The following L3MBTL4 variants were observed in gnomAD, a reference collection of about 807,000 sequenced individuals.
L3MBTL4 encodes L3MBTL histone methyl-lysine binding protein 4, also known as lethal(3)malignant brain tumor-like protein 4.
A neutral mutation model predicts 84.5 loss-of-function variants in L3MBTL4; 70 were observed. The ratio of observed to expected loss-of-function variants is 0.83; its 90% CI spans 0.68 to 1.01. L3MBTL4 has a LOEUF of 1.01. Ranked by LOEUF, L3MBTL4 falls within the 50% of genes least tolerant of loss-of-function variation. The pLI, the probability that L3MBTL4 is intolerant of heterozygous loss-of-function variation, is 0.00. For missense variants in L3MBTL4, 715 were observed against 754.8 expected (o/e 0.95, Z 0.62); for synonymous variants, 274 against 259.8 (o/e 1.05, Z -0.52).
intron 14 of L3MBTL4, among the ~76,000 whole-genome samples, chr18:6,118,208 A>AACACACACACCCACACACACACACAC (rs2059416930): frequency 7.1e-6 from 1 of 141,782 alleles, no homozygotes; most frequent in Admixed American, 7.1e-5. Flanking sequence ...AACACACACA[A>AACACACACACCCACACACACACACAC]ACACACACAC....
intron 14 of L3MBTL4, among the ~76,000 whole-genome samples, chr18:6,129,976 A>G (rs1007660483): frequency 2.0e-5 from 3 of 152,190 alleles, no homozygotes; most frequent in Non-Finnish European, 4.4e-5. Context: ...TGGGTGAATT[A>G]AAGTCTCCTT....
At chr18:6,345,215 CAAAA>C (rs35502624) in intron 1 of L3MBTL4, among the ~76,000 whole-genome samples, 1 of 38,498 alleles carries the variant, frequency 2.6e-5, no homozygotes, top group South Asian at 1.2e-3. Flanking sequence ...TACTAAAATA[CAAAA>C]AAAAAAAAAA....
At chr18:6,365,195 A>G (rs2053879962) in intron 1 of L3MBTL4, among the ~76,000 whole-genome samples, 1 of 152,194 alleles carries the variant, frequency 6.6e-6, no homozygotes, top group African/African-American at 2.4e-5. Flanking sequence ...TATGGAATAA[A>G]CATGCTTCCC....
At chr18:6,065,743 CTT>C (rs987430074) in intron 16 of L3MBTL4, among the ~76,000 whole-genome samples, 2 of 151,838 alleles carry the variant, frequency 1.3e-5, no homozygotes, top group Non-Finnish European at 2.9e-5. Context: ...TGGATATTCT[CTT>C]TTTTTCTTGG....
At chr18:6,408,448 C>T (rs2055826281) in intron 1 of L3MBTL4, among the ~76,000 whole-genome samples, 1 of 152,166 alleles carries the variant, frequency 6.6e-6, no homozygotes, top group Non-Finnish European at 1.5e-5. Flanking sequence ...TAGCAGTATC[C>T]TAAGATATTT....
intron 10 of L3MBTL4, among the ~76,000 whole-genome samples, chr18:6,226,179 G>A (rs192898612): frequency 6.6e-6 from 1 of 152,276 alleles, no homozygotes; most frequent in Admixed American, 6.5e-5. Flanking sequence ...GGCAGAGGCA[G>A]GTGGATTACT....
intron 1 of L3MBTL4, among the ~76,000 whole-genome samples, chr18:6,326,106 T>A (rs1361582017): frequency 6.6e-6 from 1 of 152,204 alleles, no homozygotes; most frequent in Non-Finnish European, 1.5e-5. Context: ...AACCAGGGCA[T>A]CAGCCTCCTC....
intron 16 of L3MBTL4, among the ~76,000 whole-genome samples, chr18:5,984,508 T>C (rs894056077): frequency 1.3e-5 from 2 of 152,232 alleles, no homozygotes; most frequent in African/African-American, 4.8e-5. Flanking sequence ...AAAGAAAATG[T>C]TAAATATGCT....
intron 13 of L3MBTL4, among the ~76,000 whole-genome samples, chr18:6,167,251 A>T (rs1445226595): frequency 6.6e-6 from 1 of 152,248 alleles, no homozygotes; most frequent in Non-Finnish European, 1.5e-5. Context: ...CAGAGGTACA[A>T]GGAGGAGCTG....
chr18:6,377,566 T>A (rs1238415394), intron 1 of L3MBTL4, among the ~76,000 whole-genome samples: 2 of 152,146 alleles, frequency 1.3e-5, no homozygotes, highest in Admixed American at 6.5e-5. Flanking sequence ...AATGAGAACA[T>A]GTGGTGTTTG....
intron 16 of L3MBTL4, among the ~76,000 whole-genome samples, chr18:5,973,327 C>T (rs549757132): frequency 6.6e-6 from 1 of 152,296 alleles, no homozygotes; most frequent in East Asian, 1.9e-4. Flanking sequence ...CATCTGCTTC[C>T]CAGGCAGCCT....
chr18:6,255,538 GCC>G (rs2048100613), intron 5 of L3MBTL4, among the ~76,000 whole-genome samples: 2 of 152,124 alleles, frequency 1.3e-5, no homozygotes, highest in African/African-American at 4.8e-5. Context: ...AATTCTTTCT[GCC>G]CTTCAGAGCC....
chr18:6,219,261 T>G (rs959724813), intron 10 of L3MBTL4, among the ~76,000 whole-genome samples: 8 of 151,972 alleles, frequency 5.3e-5, no homozygotes, highest in Middle Eastern at 3.4e-3. Context: ...AGCGCATCCA[T>G]GATCCAAGGC....
intron 6 of L3MBTL4, 32 bp from the exon 7 acceptor site, chr18:6,243,461 A>T: frequency 2.6e-6 from 4 of 1,551,894 alleles, no homozygotes; most frequent in Non-Finnish European, 2.6e-6. Context: ...ATCATTCGTT[A>T]AGTGTCATAT....
chr18:6,343,621 C>T (rs1430700420), intron 1 of L3MBTL4, among the ~76,000 whole-genome samples: 2 of 146,086 alleles, frequency 1.4e-5, no homozygotes, highest in Admixed American at 6.9e-5. Context: ...AAGATCGCAC[C>T]ACTGCACTCC....
intron 13 of L3MBTL4, among the ~76,000 whole-genome samples, chr18:6,168,284 T>C (rs1433795887): frequency 2.0e-5 from 3 of 152,160 alleles, no homozygotes; most frequent in African/African-American, 7.2e-5. Flanking sequence ...GCCATCCCCA[T>C]CAAGCTACCA....
chr18:6,161,036 A>C (rs562293820), intron 13 of L3MBTL4, among the ~76,000 whole-genome samples: 2 of 152,242 alleles, frequency 1.3e-5, no homozygotes, highest in Non-Finnish European at 2.9e-5. Context: ...CAGAGCAGGC[A>C]TGGTTTTTAG....
chr18:6,163,019 G>T (rs1016916678), intron 13 of L3MBTL4, among the ~76,000 whole-genome samples: 2 of 152,038 alleles, frequency 1.3e-5, no homozygotes, highest in Non-Finnish European at 2.9e-5. Context: ...TTTTAATAAC[G>T]TGGAAAACGA....
chr18:6,363,976 T>G (rs2053824189), intron 1 of L3MBTL4, among the ~76,000 whole-genome samples: 1 of 152,140 alleles, frequency 6.6e-6, no homozygotes. Context: ...CTCTACCCAT[T>G]GTCTTAAAAC....
Sources: gnomAD v4.1 joint callset for allele counts (sites outside exome capture counted in the v4.1 genomes callset) on GRCh38, gnomAD v4.1.1 for gene constraint, MANE v1.5 for transcripts, NCBI Gene and HGNC (gene_info 2026-07-23, HGNC 2026-07-21) for gene names.